The following CLCF1 variants were observed in gnomAD, a reference collection of about 807,000 sequenced individuals.
CLCF1 encodes the protein cardiotrophin like cytokine factor 1, also known as cardiotrophin-like cytokine factor 1.
A neutral mutation model predicts 21.2 loss-of-function variants in CLCF1; 10 were observed. That is an observed-to-expected ratio of 0.47 (90% CI 0.29 to 0.80). The LOEUF (loss-of-function observed/expected upper bound fraction) is 0.80, where lower values mean the gene tolerates loss of function less well. Among genes scored for constraint, CLCF1 ranks in the 30% least tolerant of loss-of-function variants. CLCF1 has a pLI of 0.09. For missense variants in CLCF1, 240 were observed against 293.4 expected (o/e 0.82, Z 1.33); for synonymous variants, 115 against 120.5 (o/e 0.95, Z 0.30).
At chr11:67,373,841 G>A, upstream of CLCF1, 1 of 1,017,438 alleles carries the variant, frequency 9.8e-7, no homozygotes, top group Non-Finnish European at 1.2e-6. Context: ...CCACAGCACC[G>A]AGGGGGGGTG....
At position 67,370,465 on chromosome 11, in the gene CLCF1, C is replaced by G. The variant is rs1218686008; in HGVS notation, c.17-2839G>C. On this transcript the variant is annotated intron_variant, in intron 1 of 2. Coordinates refer to ENST00000312438, the MANE Select transcript of CLCF1 (RefSeq NM_013246.3). ...TGCTGCCCACTGATTGTTTACATCC[C>G]GTCTTCTCTGTGTGTTTATAAATCC... The G allele has an allele frequency of 1.2e-5, 12 of 984,948 alleles. No individual in the cohort carries two copies. The South Asian group carries it at 5.2e-4, about 42-fold the overall frequency. 61.0% of individuals were successfully genotyped at this position (984,948 alleles called of 1,614,324 possible). A position where few individuals can be genotyped will look rare whatever the true frequency, so the allele number is the denominator to read the frequency against.
At position 67,370,346 on chromosome 11, in the gene CLCF1, C is replaced by T. The variant is rs113769839; in HGVS notation, c.17-2720G>A. 2.1e-5 allele frequency: 21 copies of T among 985,286 alleles called. 1 individual carries two copies. In the African/African-American group the frequency reaches 2.3e-4, roughly 11 times the overall value. The allele number at this position is 985,286 out of a possible 1,614,324, so 61.0% of individuals were successfully genotyped here. A position where few individuals can be genotyped will look rare whatever the true frequency, so the allele number is the denominator to read the frequency against. On this transcript the variant is annotated intron_variant, in intron 1 of 2. Coordinates refer to ENST00000312438, the MANE Select transcript of CLCF1 (RefSeq NM_013246.3). ...CTCAGGCTCATGTTGTGCAGGTGGA[C>T]CCCGGCCACTGGGGCTGTGTCCTAG...
chr11:67,370,671 A>T (rs1222137014), intron 1 of CLCF1: 1 of 985,228 alleles, frequency 1.0e-6, no homozygotes, highest in Non-Finnish European at 1.2e-6. Context: ...GGCCACCCAG[A>T]CAGCTGCACA....
At chr11:67,367,764 A>G in intron 1 of CLCF1, 138 bp from the exon 2 acceptor site, 2 of 1,510,774 alleles carry the variant, frequency 1.3e-6, no homozygotes, top group Non-Finnish European at 8.8e-7. Context: ...GGCAGAGGGG[A>G]TGGAGGAGGG....
rs1862267062 is a variant in CLCF1 at position 67,372,755 on chromosome 11, A to G, written c.16+769T>C. 6.7e-6 allele frequency among the ~76,000 whole-genome samples: 1 copy of G among 149,504 alleles called. No individual in the cohort carries two copies. Among genetic ancestry groups the G allele is most frequent in the South Asian group, 2.1e-4 (1 of 4,806 alleles). ...CTCCCGCCGCTCCCTGGCCAGTGACAGACTTTTTCCTGCCGGGTCCGGCCC... is the reference window on the plus strand; with the variant it reads ...CTCCCGCCGCTCCCTGGCCAGTGACGGACTTTTTCCTGCCGGGTCCGGCCC... On this transcript the variant is annotated intron_variant, in intron 1 of 2. Transcript: ENST00000312438. This position sits in a 1 kb window ranked among gnomAD's most constrained non-coding sequence, Gnocchi z 5.9.
intron 1 of CLCF1, chr11:67,370,836 G>C (rs553320161): frequency 9.3e-4 from 919 of 985,378 alleles, no homozygotes; most frequent in Non-Finnish European, 1.0e-3. Flanking sequence ...ACAAGTCAAT[G>C]GGAGTCTCTG....
chr11:67,370,236 G>T (rs1378874122), intron 1 of CLCF1: 1 of 985,272 alleles, frequency 1.0e-6, no homozygotes, highest in African/African-American at 1.7e-5. Flanking sequence ...CTGCGGTTTA[G>T]TCGTGAGCTT....
At chr11:67,370,548 C>A (rs1385415974) in intron 1 of CLCF1, 11 of 982,860 alleles carry the variant, frequency 1.1e-5, no homozygotes, top group South Asian at 4.7e-5. Flanking sequence ...CAGCCCCCCA[C>A]CCCCGGCCAG....
rs1487518555 is a variant in CLCF1, at chr11:67,365,197, T to C, written c.617A>G (p.Lys206Arg). The C allele has an allele frequency of 6.2e-7, 1 of 1,614,060 alleles. No individual in the cohort carries two copies. ...WRSAKDFNRL[K>R]KKMQPPAAAV... ...AGCTGCTGGAGGCTGCATCTTCTTC[T>C]TGAGCCGGTTGAAGTCCTTGGCCGA... is the stretch of plus-strand genomic sequence containing the variant. Residue 206 changes from lysine to arginine, a missense_variant, in exon 3 of 3, where the codon AAG becomes AGG. By Grantham distance (26) the Lys-to-Arg change is conservative. Coordinates refer to ENST00000312438, the MANE Select transcript of CLCF1 (RefSeq NM_013246.3). The surrounding 1 kb of genome is among the most constrained non-coding windows in gnomAD (Gnocchi z 5.0).
chr11:67,373,499 G>A, intron 1 of CLCF1, 25 bp downstream of exon 1: 3 of 1,261,136 alleles, frequency 2.4e-6, no homozygotes, highest in Admixed American at 2.5e-5. Context: ...GGCGGGGGTC[G>A]GGGCCTCGGC....
At chr11:67,370,578 C>T in intron 1 of CLCF1, 1 of 982,382 alleles carries the variant, frequency 1.0e-6, no homozygotes, top group Non-Finnish European at 1.2e-6. Flanking sequence ...CCATCCAGAT[C>T]CCTGGGCCCT....
intron 1 of CLCF1, chr11:67,368,220 A>G (rs1003723926): frequency 1.0e-6 from 1 of 985,108 alleles, no homozygotes; most frequent in Non-Finnish European, 1.2e-6. Flanking sequence ...AGTTTTGGGT[A>G]TATTCTAGGA....
chr11:67,367,666 G>A lies in CLCF1; in HGVS notation c.17-40C>T, dbSNP rs112879451. The stretch of plus-strand genomic sequence containing the variant: ...GACGAGAAGCATGAGCGCGGCCCGG[G>A]CCCACACGGGGAAGCAGCTGGCAGC... On this transcript the variant is annotated intron_variant, in intron 1 of 2. Coordinates refer to ENST00000312438, the MANE Select transcript of CLCF1 (RefSeq NM_013246.3). 1,399 of 1,599,506 alleles carry A rather than the reference G, an allele frequency of 8.7e-4. 11 individuals carry two copies. In the African/African-American group the frequency reaches 0.017, roughly 20 times the overall value.
chr11:67,367,421 CT>C, intron 2 of CLCF1, 38 bp downstream of exon 2: 1 of 1,613,972 alleles, frequency 6.2e-7, no homozygotes, highest in Non-Finnish European at 8.5e-7. Context: ...CAACTCCTCA[CT>C]CCTCCCCAAC....
chr11:67,371,155 CA>C, intron 1 of CLCF1: 1 of 818,850 alleles, frequency 1.2e-6, no homozygotes, highest in Non-Finnish European at 1.5e-6. Flanking sequence ...CCTTCCCAGG[CA>C]AAGGCCCACA....
chr11:67,367,393 G>A, intron 2 of CLCF1, 67 bp downstream of exon 2: 1 of 1,612,174 alleles, frequency 6.2e-7, no homozygotes, highest in Non-Finnish European at 8.5e-7. Flanking sequence ...ACCCTCCACG[G>A]TTAGGACTGT....
chr11:67,373,862 A>C, upstream of CLCF1: 1 of 810,158 alleles, frequency 1.2e-6, no homozygotes, highest in Non-Finnish European at 1.5e-6. Context: ...AGGTGAGGCG[A>C]GGCTGTGGCG....
chr11:67,370,123 G>T (rs1240430002), intron 1 of CLCF1: 6 of 985,196 alleles, frequency 6.1e-6, no homozygotes, highest in Non-Finnish European at 6.0e-6. Context: ...AGAAAGGGGG[G>T]GTAGAAGGAC....
At chr11:67,369,151 T>C (rs1483102010) in intron 1 of CLCF1, 1 of 985,220 alleles carries the variant, frequency 1.0e-6, no homozygotes, top group African/African-American at 1.7e-5. Context: ...CTAGGAAGGA[T>C]GCAAGACTCC....
Sources: gnomAD v4.1 joint callset for allele counts (sites outside exome capture counted in the v4.1 genomes callset) on GRCh38, gnomAD v4.1.1 for gene constraint, Gnocchi (gnomAD v3.1) non-coding constraint, MANE v1.5 for transcripts, NCBI Gene and HGNC (gene_info 2026-07-23, HGNC 2026-07-21) for gene names.